Variants in GALNT13 observed in about 807,000 individuals in gnomAD.
GALNT13 encodes the protein UDP-GalNAc:polypeptide N-acetylgalactosaminyltransferase 13.
GALNT13 carries 28 observed loss-of-function variants against 64.2 expected under a neutral mutation model. The observed-to-expected ratio is 0.44, with a 90% CI of 0.32 to 0.60. The LOEUF (loss-of-function observed/expected upper bound fraction) is 0.60, where lower values mean the gene tolerates loss of function less well. Among genes scored for constraint, GALNT13 ranks in the 20% least tolerant of loss-of-function variants. The pLI is 0.05. For missense variants in GALNT13, 577 were observed against 669.8 expected (o/e 0.86, Z 1.53); for synonymous variants, 214 against 224.6 (o/e 0.95, Z 0.42).
At chr2:153,856,225 TA>T in the GALNT13 span, among the ~76,000 whole-genome samples, 1 of 143,074 alleles carries the variant, frequency 7.0e-6, no homozygotes, top group Non-Finnish European at 1.5e-5. Context: ...GTAAGTGTTA[TA>T]AATTGTATCT....
intron 4 of GALNT13, among the ~76,000 whole-genome samples, chr2:154,184,478 C>T (rs1686141459): frequency 6.6e-6 from 1 of 151,906 alleles, no homozygotes; most frequent in South Asian, 2.1e-4. Context: ...TCCTATCTTG[C>T]TGTCTTCCTT....
rs529462080 is a variant in GALNT13 at position 154,013,813 on chromosome 2, G to A, written c.142+69174G>A. 9.9e-5 allele frequency among the ~76,000 whole-genome samples: 15 copies of A among 152,254 alleles called. No homozygotes were observed. In the East Asian group the frequency reaches 2.5e-3, roughly 26 times the overall value. ...CTGTAGGAAGAGGGTTGGCGAGGTC[G>A]GTCGGCCCTTGCGCACACACTGCCA... On this transcript the variant is annotated intron_variant, in intron 3 of 12. Coordinates refer to ENST00000392825, the MANE Select transcript of GALNT13 (RefSeq NM_052917.4).
At chr2:153,922,624 A>G (rs1014477112) in intron 2 of GALNT13, among the ~76,000 whole-genome samples, 6 of 152,150 alleles carry the variant, frequency 3.9e-5, no homozygotes, top group African/African-American at 1.4e-4. Flanking sequence ...AGGAAACTTT[A>G]TAGTTGAGGC....
intron 1 of GALNT13, among the ~76,000 whole-genome samples, chr2:153,875,343 A>T (rs1686285245): frequency 6.6e-6 from 1 of 152,206 alleles, no homozygotes; most frequent in Non-Finnish European, 1.5e-5. Context: ...TTTATAAATC[A>T]CTTGATACTG....
chr2:154,378,221 G>A (rs1289863443), intron 9 of GALNT13, among the ~76,000 whole-genome samples: 4 of 152,052 alleles, frequency 2.6e-5, no homozygotes, highest in African/African-American at 9.7e-5. Flanking sequence ...CGCAGGAGGA[G>A]GCTGTTCTGC....
chr2:153,415,033 C>T, the GALNT13 span, among the ~76,000 whole-genome samples: 2 of 152,114 alleles, frequency 1.3e-5, no homozygotes, highest in Non-Finnish European at 2.9e-5. Context: ...ATAAAAATCA[C>T]TGGCATGGTA....
chr2:154,417,097 C>T (rs1258552847), intron 11 of GALNT13, among the ~76,000 whole-genome samples: 1 of 151,972 alleles, frequency 6.6e-6, no homozygotes, highest in African/African-American at 2.4e-5. Flanking sequence ...TTCTTCTTTT[C>T]TTCCATTAAT....
chr2:153,414,673 A>C, the GALNT13 span, among the ~76,000 whole-genome samples: 1 of 152,128 alleles, frequency 6.6e-6, no homozygotes, highest in African/African-American at 2.4e-5. Flanking sequence ...TGAGACTTTA[A>C]CAAGTAAGAG....
intron 9 of GALNT13, among the ~76,000 whole-genome samples, chr2:154,336,838 C>A (rs1043368623): frequency 6.6e-6 from 1 of 151,984 alleles, no homozygotes; most frequent in African/African-American, 2.4e-5. Context: ...AGTGGGACTT[C>A]TTGACTACAA....
chr2:153,354,966 T>C, the GALNT13 span, among the ~76,000 whole-genome samples: 1 of 152,326 alleles, frequency 6.6e-6, no homozygotes, highest in East Asian at 1.9e-4. Context: ...GAGAACTGTT[T>C]AGCCAGTTAT....
chr2:153,892,938 G>A (rs746570571), intron 1 of GALNT13, among the ~76,000 whole-genome samples: 4 of 152,070 alleles, frequency 2.6e-5, no homozygotes, highest in Admixed American at 6.6e-5. Context: ...TGCTCAGTGT[G>A]TATCCAGAGT....
At chr2:154,226,149 A>G (rs998093641) in intron 4 of GALNT13, among the ~76,000 whole-genome samples, 1 of 152,118 alleles carries the variant, frequency 6.6e-6, no homozygotes, top group South Asian at 2.1e-4. Flanking sequence ...GGAGGGCAGG[A>G]GAAGGTCAGA....
chr2:154,448,469 T>G (rs1461348924), intron 12 of GALNT13, among the ~76,000 whole-genome samples: 1 of 151,972 alleles, frequency 6.6e-6, no homozygotes, highest in Non-Finnish European at 1.5e-5. Context: ...CATGCCTGAG[T>G]GTTCACAGCC....
the GALNT13 span, among the ~76,000 whole-genome samples, chr2:153,243,129 A>T: frequency 6.6e-6 from 1 of 152,298 alleles, no homozygotes; most frequent in African/African-American, 2.4e-5. Flanking sequence ...ATATGCACAC[A>T]TCCCCACCCT....
At chr2:153,093,152 A>G in the GALNT13 span, among the ~76,000 whole-genome samples, 1 of 151,586 alleles carries the variant, frequency 6.6e-6, no homozygotes, top group Non-Finnish European at 1.5e-5. Flanking sequence ...AGTGTACCAC[A>G]TTGATTACAT....
chr2:154,118,871 T>C (rs1304902827), intron 3 of GALNT13, among the ~76,000 whole-genome samples: 2 of 152,150 alleles, frequency 1.3e-5, no homozygotes, highest in African/African-American at 4.8e-5. Flanking sequence ...ATGTTTTTGA[T>C]GCCAGAATTG....
the GALNT13 span, among the ~76,000 whole-genome samples, chr2:153,308,739 G>A: frequency 5.1e-4 from 77 of 152,058 alleles, no homozygotes; most frequent in Non-Finnish European, 4.4e-4. Context: ...GGGGAACGCC[G>A]ATGAACAAAT....
At chr2:154,126,634 CAAAAAAACAAAAA>C (rs1004888657) in intron 3 of GALNT13, among the ~76,000 whole-genome samples, 47 of 54,704 alleles carry the variant, frequency 8.6e-4, no homozygotes, top group South Asian at 2.2e-3. Flanking sequence ...GACTCCGTCT[CAAAAAAACAAAAA>C]AAAAAAACAA....
intron 3 of GALNT13, among the ~76,000 whole-genome samples, chr2:154,053,330 C>T (rs966546734): frequency 7.9e-5 from 12 of 152,042 alleles, no homozygotes; most frequent in African/African-American, 2.9e-4. Context: ...ATAGCTATAC[C>T]TCAATAAAGC....
Sources: gnomAD v4.1 joint callset for allele counts (sites outside exome capture counted in the v4.1 genomes callset) on GRCh38, gnomAD v4.1.1 for gene constraint, MANE v1.5 for transcripts, NCBI Gene and HGNC (gene_info 2026-07-23, HGNC 2026-07-21) for gene names.